The following FBRSL1 variants were observed in gnomAD, a reference collection of about 807,000 sequenced individuals.
The protein encoded by FBRSL1 is fibrosin like 1, also known as fibrosin-1-like protein.
Under a neutral mutation model 89.6 loss-of-function variants are expected in FBRSL1, and 51 were observed. The observed-to-expected ratio is 0.57, with a 90% CI of 0.45 to 0.72. FBRSL1 has a LOEUF of 0.72. FBRSL1 is among the 30% of genes least tolerant of loss of function. The pLI is 0.00. For missense variants in FBRSL1, 1,618 were observed against 1,451.8 expected (o/e 1.11, Z -1.86); for synonymous variants, 779 against 681.1 (o/e 1.14, Z -2.24).
rs1232797355 is a variant in FBRSL1 at position 132,561,565 on chromosome 12, C to T, written c.646-5916C>T. ...CTGCGGGCTAAGCTGGCTTCTCCTC[C>T]CTCTGCCCACCTGGGAGGCCTCAGC... On this transcript the variant is annotated intron_variant, in intron 5 of 18. Coordinates refer to ENST00000680143, the MANE Select transcript of FBRSL1 (RefSeq NM_001367871.1). 6.6e-5 allele frequency among the ~76,000 whole-genome samples: 10 copies of T among 152,172 alleles called. No individual in the cohort carries two copies. The East Asian group carries it at 1.9e-3, about 29-fold the overall frequency.
chr12:132,559,856 C>A (rs1282745739), intron 5 of FBRSL1, among the ~76,000 whole-genome samples: 2 of 151,576 alleles, frequency 1.3e-5, no homozygotes, highest in South Asian at 2.1e-4. Flanking sequence ...GCAGCGCGTT[C>A]GGACCCCGGG....
At chr12:132,580,881 C>T in intron 15 of FBRSL1, 30 of 984,780 alleles carry the variant, frequency 3.0e-5, no homozygotes, top group Non-Finnish European at 3.5e-5. Context: ...GGGCCCGGGC[C>T]CAGGCCCCAC....
intron 2 of FBRSL1, among the ~76,000 whole-genome samples, chr12:132,520,779 C>T (rs2035284828): frequency 6.6e-6 from 1 of 152,220 alleles, no homozygotes. Flanking sequence ...TCAACCAGGC[C>T]TGGGGACACT....
At chr12:132,510,695 C>A in intron 2 of FBRSL1, 5 of 1,221,366 alleles carry the variant, frequency 4.1e-6, no homozygotes, top group Non-Finnish European at 5.1e-6. Context: ...GATGAACCCG[C>A]GTCTGCCTGC....
chr12:132,543,409 G>A (rs750811622), intron 4 of FBRSL1, among the ~76,000 whole-genome samples: 20 of 152,234 alleles, frequency 1.3e-4, no homozygotes, highest in East Asian at 1.9e-4. Context: ...CAGGGTGCAC[G>A]TTAACTCTGG....
chr12:132,567,523 A>G lies in FBRSL1; in HGVS notation c.688A>G (p.Lys230Glu), dbSNP rs1566218846. 2 of 1,550,950 alleles carry G rather than the reference A, an allele frequency of 1.3e-6. No homozygotes were observed. Among genetic ancestry groups the G allele is most frequent in the Non-Finnish European group, 1.7e-6 (2 of 1,146,858 alleles). ...SEKLFAPGTD[K>E]GPALEKSEAK... The stretch of plus-strand genomic sequence containing the variant: ...GAAGCTCTTTGCGCCGGGAACCGAT[A>G]AAGGTAAGTGGGTCCCCTCGGCCCA... The change falls in exon 6 of 19, where the codon AAA becomes GAA. Residue 230 changes from lysine to glutamate, a missense_variant. By Grantham distance (56) the Lys-to-Glu change is moderately conservative. Transcript: ENST00000680143.
At chr12:132,555,514 C>T (rs1017018681) in intron 5 of FBRSL1, among the ~76,000 whole-genome samples, 1 of 150,892 alleles carries the variant, frequency 6.6e-6, no homozygotes, top group Non-Finnish European at 1.5e-5. Flanking sequence ...CCACGGTAGC[C>T]GCCCCACCCG....
chr12:132,570,353 C>T lies in FBRSL1; in HGVS notation c.1026C>T (p.Pro342=), dbSNP rs866167817. The T allele has an allele frequency of 2.0e-6, 3 of 1,532,822 alleles. No homozygotes were observed. Among genetic ancestry groups the T allele is most frequent in the African/African-American group, 1.4e-5 (1 of 72,674 alleles). 95.0% of individuals were successfully genotyped at this position (1,532,822 alleles called of 1,614,324 possible). A position where few individuals can be genotyped will look rare whatever the true frequency, so the allele number is the denominator to read the frequency against. The change falls in exon 8 of 19, where the codon CCC becomes CCT. Residue 342 remains proline (P), a synonymous_variant. Coordinates refer to ENST00000680143, the MANE Select transcript of FBRSL1 (RefSeq NM_001367871.1). The part of the protein sequence containing the change: ...LHGLSRSSSA[P]LGLGKHVSLS... ...CCCGCAGCAGGAGCAGCAGCGCCCCCCTGGGCCTGGGGAAGCACGTGTCGC... is the reference window on the plus strand; with the variant it reads ...CCCGCAGCAGGAGCAGCAGCGCCCCTCTGGGCCTGGGGAAGCACGTGTCGC...
chr12:132,525,413 C>T (rs1013647550), intron 2 of FBRSL1, among the ~76,000 whole-genome samples: 11 of 152,220 alleles, frequency 7.2e-5, no homozygotes, highest in African/African-American at 2.2e-4. Flanking sequence ...GCTCCAAGCA[C>T]GTGGCGGTTC....
chr12:132,522,034 G>A (rs1215001591), intron 2 of FBRSL1, among the ~76,000 whole-genome samples: 2 of 152,114 alleles, frequency 1.3e-5, no homozygotes, highest in African/African-American at 2.4e-5. Context: ...TGCAGCCAGC[G>A]TGGCCCCTCA....
rs1485578942 is a variant in FBRSL1 at position 132,581,687 on chromosome 12, G to A, written c.1913-54G>A. On this transcript the variant is annotated intron_variant, in intron 16 of 18. Coordinates refer to ENST00000680143, the MANE Select transcript of FBRSL1 (RefSeq NM_001367871.1). ...TACAGCAGCCCCCACTGGGCCAGGTGGGAGCCGCAGCCCACGCCTCACAGA... is the reference window on the plus strand; with the variant it reads ...TACAGCAGCCCCCACTGGGCCAGGTAGGAGCCGCAGCCCACGCCTCACAGA... 2.3e-5 allele frequency: 35 copies of A among 1,532,996 alleles called. No individual in the cohort carries two copies. In the South Asian group the frequency reaches 4.2e-4, roughly 18 times the overall value. The allele number at this position is 1,532,996 out of a possible 1,614,324, so 95.0% of individuals were successfully genotyped here.
chr12:132,569,388 G>A (rs866788912), intron 6 of FBRSL1, among the ~76,000 whole-genome samples: 7 of 152,252 alleles, frequency 4.6e-5, no homozygotes, highest in Admixed American at 2.0e-4. Context: ...AAGTGGTCAA[G>A]CCTTCCACCA....
At chr12:132,506,667 G>A (rs968866586) in intron 1 of FBRSL1, among the ~76,000 whole-genome samples, 75 of 152,376 alleles carry the variant, frequency 4.9e-4, no homozygotes, top group Middle Eastern at 3.4e-3. Flanking sequence ...ACTGGGAACC[G>A]TTTCTGCAGT....
intron 2 of FBRSL1, chr12:132,510,801 C>T (rs564043513): frequency 8.0e-6 from 9 of 1,129,222 alleles, no homozygotes; most frequent in East Asian, 4.8e-5. Context: ...GAACACAGCC[C>T]CTGAGGGCGG....
intron 3 of FBRSL1, among the ~76,000 whole-genome samples, 169 bp from the exon 4 acceptor site, chr12:132,527,784 C>T (rs868273206): frequency 1.1e-4 from 13 of 115,682 alleles, no homozygotes; most frequent in East Asian, 3.3e-4. Flanking sequence ...GCGGGGCTGC[C>T]GGGCAGGGTT....
At chr12:132,575,570 C>G (rs1309732562) in intron 14 of FBRSL1, among the ~76,000 whole-genome samples, 2 of 152,270 alleles carry the variant, frequency 1.3e-5, no homozygotes, top group African/African-American at 4.8e-5. Context: ...GGTGGAACTT[C>G]TGGACACACA....
chr12:132,491,890 A>G (rs1400706945), intron 1 of FBRSL1, among the ~76,000 whole-genome samples: 1 of 152,206 alleles, frequency 6.6e-6, no homozygotes, highest in East Asian at 1.9e-4. Context: ...TCGTGTCCCA[A>G]GTGCACGGAC....
At chr12:132,533,313 C>T (rs918991222) in intron 4 of FBRSL1, among the ~76,000 whole-genome samples, 4 of 146,748 alleles carry the variant, frequency 2.7e-5, no homozygotes, top group Non-Finnish European at 6.0e-5. Context: ...AGTCAGAGAG[C>T]CTCAGTCTCC....
intron 9 of FBRSL1, 127 bp from the exon 10 acceptor site, chr12:132,572,161 G>A (rs1227768057): frequency 3.4e-5 from 28 of 818,652 alleles, no homozygotes; most frequent in South Asian, 1.0e-4. Context: ...ACGGCTGGCC[G>A]AAGCCGCCAG....
Sources: gnomAD v4.1 joint callset for allele counts (sites outside exome capture counted in the v4.1 genomes callset) on GRCh38, gnomAD v4.1.1 for gene constraint, MANE v1.5 for transcripts, NCBI Gene and HGNC (gene_info 2026-07-23, HGNC 2026-07-21) for gene names.